Variants in NSG1 observed in about 807,000 individuals in gnomAD.
The protein encoded by NSG1 is neuronal vesicle trafficking-associated protein 1.
NSG1 carries 9 observed loss-of-function variants against 19.3 expected under a neutral mutation model. The observed-to-expected ratio is 0.47, with a 90% CI of 0.28 to 0.81. NSG1 has a LOEUF of 0.81. Among genes scored for constraint, NSG1 ranks in the 40% least tolerant of loss-of-function variants. NSG1 has a pLI of 0.11. For synonymous variants in NSG1, 104 were observed against 107.0 expected (o/e 0.97, Z 0.17); for missense variants, 236 against 242.4 (o/e 0.97, Z 0.18).
intron 2 of NSG1, among the ~76,000 whole-genome samples, chr4:4,388,451 C>T (rs1262587464): frequency 6.6e-6 from 1 of 152,220 alleles, no homozygotes; most frequent in Non-Finnish European, 1.5e-5. Context: ...AATGTAGCAT[C>T]CAATTAAGTA....
At position 4,417,601 on chromosome 4, in the gene NSG1, C is replaced by T. The variant is rs1161478440; in HGVS notation, c.*166C>T. 3.0e-6 allele frequency: 2 copies of T among 661,162 alleles called. No homozygotes were observed. Among genetic ancestry groups the T allele is most frequent in the Non-Finnish European group, 5.1e-6 (2 of 390,732 alleles). The allele number at this position is 661,162 out of a possible 1,614,324, so 41.0% of individuals were successfully genotyped here. A position where few individuals can be genotyped will look rare whatever the true frequency, so the allele number is the denominator to read the frequency against. ...CAAATAAAACTTGCTGCCGACCACC[C>T]ACGGGCATAAAATCAAGTGCATTTC... On this transcript the variant is annotated 3_prime_UTR_variant, in exon 5 of 5. Coordinates refer to ENST00000621129, the MANE Select transcript of NSG1 (RefSeq NM_014392.5).
chr4:4,410,574 G>C (rs1005021440), intron 4 of NSG1, among the ~76,000 whole-genome samples: 2 of 149,830 alleles, frequency 1.3e-5, no homozygotes, highest in African/African-American at 5.1e-5. Flanking sequence ...TCACACGATG[G>C]TAAGTATTTG....
rs367556298 is a variant in NSG1 at position 4,409,645 on chromosome 4, A to G, written c.319A>G (p.Lys107Glu). ...VVFLVVYKVYKYDRACPDGFV... is the reference protein window; with the variant it reads ...VVFLVVYKVYEYDRACPDGFV... The stretch of plus-strand genomic sequence containing the variant: ...CTTCCTGGTTGTCTACAAGGTGTAC[A>G]AGTATGACCGCGCCTGCCCCGATGG... The change falls in exon 4 of 5, where the codon AAG (lysine) becomes GAG (glutamate). Residue 107 changes from lysine (K) to glutamate (E), a missense_variant. Transcript: ENST00000621129. 4.1e-5 allele frequency: 66 copies of G among 1,614,028 alleles called. No homozygotes were observed. The highest frequency in any genetic ancestry group is 2.8e-4 in the Admixed American group (17 of 60,000).
At chr4:4,387,561 C>CCGGGGGGGGTGG in intron 1 of NSG1, 43 bp from the exon 2 acceptor site, 2 of 1,141,992 alleles carry the variant, frequency 1.8e-6, no homozygotes, top group Non-Finnish European at 2.5e-6. Flanking sequence ...CGCCCCGCCC[C>CCGGGGGGGGTGG]GGGTCTTGCT....
At chr4:4,397,624 C>T (rs1052699412) in intron 3 of NSG1, among the ~76,000 whole-genome samples, 10 of 152,360 alleles carry the variant, frequency 6.6e-5, no homozygotes, top group African/African-American at 2.4e-4. Flanking sequence ...CTGCCTTTCA[C>T]GTGAGTGACC....
Position 4,391,512 on chromosome 4 carries a change from G to T in NSG1, c.167G>T (p.Arg56Leu), listed in dbSNP as rs766912597. 1.2e-6 allele frequency: 2 copies of T among 1,613,104 alleles called. No individual in the cohort carries two copies. Among genetic ancestry groups the T allele is most frequent in the Admixed American group, 1.7e-5 (1 of 59,682 alleles). ...ACTAAGACCGAGTATGAACCTGACC[G>T]CAAGAAAGGGAAAGCACGTCCTCCC... Reference protein sequence around the residue: ...VKTKTEYEPDRKKGKARPPQI... With the variant: ...VKTKTEYEPDLKKGKARPPQI... The change falls in exon 3 of 5, where the codon CGC becomes CTC. Residue 56 changes from arginine (R) to leucine (L), a missense_variant. Physicochemically the swap from Arg to Leu is moderately radical, Grantham distance 102. Coordinates refer to ENST00000621129, the MANE Select transcript of NSG1 (RefSeq NM_014392.5).
intron 3 of NSG1, among the ~76,000 whole-genome samples, chr4:4,402,592 TTTAGC>T (rs1560143445): frequency 6.6e-6 from 1 of 151,358 alleles, no homozygotes. Context: ...TTCACCGTTT[TTTAGC>T]CAGGATGGTC....
At chr4:4,393,523 G>A (rs933306699) in intron 3 of NSG1, among the ~76,000 whole-genome samples, 32 of 152,354 alleles carry the variant, frequency 2.1e-4, no homozygotes, top group African/African-American at 7.7e-4. Context: ...GGCAGCAGAA[G>A]CCCTGCCTCA....
chr4:4,410,461 C>A (rs748616398), intron 4 of NSG1, among the ~76,000 whole-genome samples: 5 of 152,190 alleles, frequency 3.3e-5, no homozygotes, highest in Admixed American at 2.0e-4. Flanking sequence ...TGTACACCCA[C>A]GCGGCCCAGC....
chr4:4,395,357 G>T (rs896865447), intron 3 of NSG1, among the ~76,000 whole-genome samples: 2 of 152,188 alleles, frequency 1.3e-5, no homozygotes, highest in African/African-American at 4.8e-5. Flanking sequence ...TCCGATGGGG[G>T]TGCATTCCAG....
intron 4 of NSG1, among the ~76,000 whole-genome samples, chr4:4,409,913 T>TTA (rs1724080006): frequency 6.6e-6 from 1 of 152,220 alleles, no homozygotes; most frequent in Non-Finnish European, 1.5e-5. Context: ...ACTTGGCCCC[T>TTA]GGGAGCTGAC....
intron 3 of NSG1, among the ~76,000 whole-genome samples, 193 bp from the exon 4 acceptor site, chr4:4,409,380 A>C (rs1724044252): frequency 6.6e-6 from 1 of 152,244 alleles, no homozygotes; most frequent in African/African-American, 2.4e-5. Flanking sequence ...TATGGTGAAA[A>C]ATTAAAATGT....
At chr4:4,397,582 G>C (rs752170803) in intron 3 of NSG1, among the ~76,000 whole-genome samples, 1 of 152,216 alleles carries the variant, frequency 6.6e-6, no homozygotes, top group Non-Finnish European at 1.5e-5. Flanking sequence ...CTGTCCAGAC[G>C]GTGAGCGTTC....
chr4:4,412,256 T>A (rs1367314287), intron 4 of NSG1, among the ~76,000 whole-genome samples: 1 of 151,782 alleles, frequency 6.6e-6, no homozygotes, highest in Non-Finnish European at 1.5e-5. Flanking sequence ...CAAGCCCAAG[T>A]CCCGCTGGAT....
At chr4:4,410,197 G>A (rs1473459616) in intron 4 of NSG1, among the ~76,000 whole-genome samples, 3 of 152,214 alleles carry the variant, frequency 2.0e-5, no homozygotes, top group South Asian at 2.1e-4. Flanking sequence ...TCTCCTGCCT[G>A]TCCCACCGCA....
intron 3 of NSG1, among the ~76,000 whole-genome samples, chr4:4,405,726 G>A (rs1293678160): frequency 6.6e-6 from 1 of 152,146 alleles, no homozygotes; most frequent in East Asian, 1.9e-4. Context: ...GCCACACCAC[G>A]GGCCGCCCGC....
intron 3 of NSG1, among the ~76,000 whole-genome samples, chr4:4,392,998 G>A (rs1252339171): frequency 6.6e-6 from 1 of 152,140 alleles, no homozygotes; most frequent in African/African-American, 2.4e-5. Flanking sequence ...TTCTGCGCTG[G>A]CCAGTGGGAT....
At chr4:4,398,847 G>A (rs932462276) in intron 3 of NSG1, among the ~76,000 whole-genome samples, 8 of 152,258 alleles carry the variant, frequency 5.3e-5, no homozygotes, top group Admixed American at 1.3e-4. Context: ...GATATTTAAC[G>A]TATTGTGGAG....
chr4:4,415,901 T>A (rs1362007136), intron 4 of NSG1: 4 of 570,186 alleles, frequency 7.0e-6, no homozygotes, highest in Admixed American at 6.1e-5. Context: ...CTGCAGAGCC[T>A]CCTTCCTGAT....
Sources: gnomAD v4.1 joint callset for allele counts (sites outside exome capture counted in the v4.1 genomes callset) on GRCh38, gnomAD v4.1.1 for gene constraint, MANE v1.5 for transcripts, NCBI Gene and HGNC (gene_info 2026-07-23, HGNC 2026-07-21) for gene names.